Variants in NCOR2 observed in about 807,000 individuals in gnomAD.
The protein encoded by NCOR2 is nuclear receptor corepressor 2.
In NCOR2, 81 loss-of-function variants were observed where a neutral mutation model predicts 262.9. The observed-to-expected ratio is 0.31, with a 90% CI of 0.26 to 0.37. NCOR2 has a LOEUF of 0.37. Ranked by LOEUF, NCOR2 falls within the 10% of genes least tolerant of loss-of-function variation. The pLI is 1.00. For synonymous variants in NCOR2, 1,659 were observed against 1,559.3 expected, an observed-to-expected ratio of 1.06 and a Z score of -1.51; for missense variants, 3,385 against 3,621.4, an observed-to-expected ratio of 0.93 and a Z score of 1.68.
At chr12:124,453,687 CCAG>C (rs2045680095) in intron 6 of NCOR2, among the ~76,000 whole-genome samples, 1 of 152,204 alleles carries the variant, frequency 6.6e-6, no homozygotes, top group Non-Finnish European at 1.5e-5. Flanking sequence ...GCTGGTGACA[CCAG>C]CTTCTTAAAA....
At chr12:124,402,450 C>G in exon 14 of NCOR2, 1 of 1,613,616 alleles carries the variant, frequency 6.2e-7, no homozygotes, top group African/African-American at 1.3e-5. Flanking sequence ...TTCTCCTCCT[C>G]CTTCTCCGCC....
At chr12:124,491,866 G>T (rs1438627042) in intron 1 of NCOR2, among the ~76,000 whole-genome samples, 1 of 152,190 alleles carries the variant, frequency 6.6e-6, no homozygotes, top group African/African-American at 2.4e-5. Flanking sequence ...ACGGAGAGAA[G>T]CTGGGCCCCT....
chr12:124,391,897 C>T lies in NCOR2; in HGVS notation c.1877-6010G>A, dbSNP rs372421164. On this transcript the variant is annotated intron_variant, in intron 16 of 46. Coordinates refer to ENST00000405201, the Ensembl canonical transcript of NCOR2. ...CACCTTTCAATGTCACGTTTTCCTA[C>T]AGAGCAGAGCAAAGTTGGAAGCCAG... 1.2e-3 allele frequency among the ~76,000 whole-genome samples: 181 copies of T among 152,362 alleles called. 2 individuals are homozygous for T. The highest frequency in any genetic ancestry group is 4.2e-3 in the African/African-American group (173 of 41,586).
At chr12:124,405,432 CA>C (rs1390813953) in intron 13 of NCOR2, among the ~76,000 whole-genome samples, 1 of 152,220 alleles carries the variant, frequency 6.6e-6, no homozygotes, top group East Asian at 1.9e-4. Context: ...CCTTCTGGGC[CA>C]CCCTGCAGCC....
intron 17 of NCOR2, among the ~76,000 whole-genome samples, chr12:124,380,964 T>G (rs2040369552): frequency 6.6e-6 from 1 of 152,154 alleles, no homozygotes; most frequent in Non-Finnish European, 1.5e-5. Context: ...CATTAATCAT[T>G]ATGCCTGACG....
exon 31 of NCOR2, chr12:124,346,664 T>C (rs867775706): frequency 6.3e-7 from 1 of 1,582,422 alleles, no homozygotes. Context: ...GCGGCCCGCC[T>C]CCTTCACCGT....
intron 29 of NCOR2, 53 bp from the exon 32 acceptor site, chr12:124,347,964 G>C (rs1447754887): frequency 3.3e-6 from 5 of 1,521,760 alleles, no homozygotes; most frequent in Non-Finnish European, 4.5e-6. Flanking sequence ...GCCGACACTG[G>C]GCAGTGACAG....
chr12:124,411,615 C>T (rs2042591756), intron 13 of NCOR2, among the ~76,000 whole-genome samples: 1 of 152,272 alleles, frequency 6.6e-6, no homozygotes, highest in Non-Finnish European at 1.5e-5. Flanking sequence ...CAACGGTCTG[C>T]AGTCAGGCCC....
At chr12:124,379,494 G>A (rs79872568) in intron 17 of NCOR2, among the ~76,000 whole-genome samples, 3,079 of 152,350 alleles carry the variant, frequency 0.02, 101 homozygotes, top group African/African-American at 0.069. Flanking sequence ...GGGCATCGTG[G>A]AGGCAGCATC....
Position 124,389,522 on chromosome 12 carries a change from G to T in NCOR2, c.1877-3635C>A, listed in dbSNP as rs2041112746. ...AAACAGAGCTTCTCCACCCCCGGCAGACAGGGAGCAAACAGCTTCTTCCGC... is the reference window on the plus strand; with the variant it reads ...AAACAGAGCTTCTCCACCCCCGGCATACAGGGAGCAAACAGCTTCTTCCGC... On this transcript the variant is annotated intron_variant, in intron 16 of 46. Coordinates refer to ENST00000405201, the Ensembl canonical transcript of NCOR2. This position sits in a 1 kb window ranked among gnomAD's most constrained non-coding sequence, Gnocchi z 4.4. 6.6e-6 allele frequency among the ~76,000 whole-genome samples: 1 copy of T among 152,156 alleles called. No individual in the cohort carries two copies. The highest frequency in any genetic ancestry group is 1.5e-5 in the Non-Finnish European group (1 of 68,024).
At chr12:124,429,166 G>A (rs2043770162) in intron 10 of NCOR2, among the ~76,000 whole-genome samples, 1 of 152,250 alleles carries the variant, frequency 6.6e-6, no homozygotes, top group African/African-American at 2.4e-5. Flanking sequence ...GAACTCTTCG[G>A]CCTGCGCCAT....
chr12:124,501,346 C>G (rs1160574156), intron 1 of NCOR2, among the ~76,000 whole-genome samples: 1 of 152,088 alleles, frequency 6.6e-6, no homozygotes, highest in African/African-American at 2.4e-5. Flanking sequence ...AGAGGCACGG[C>G]ACCTGGCACA....
upstream of NCOR2, chr12:124,495,372 C>T (rs1200050745): frequency 9.7e-6 from 14 of 1,437,880 alleles, 1 homozygote; most frequent in South Asian, 1.3e-4. This position sits in a 1 kb window ranked among gnomAD's most constrained non-coding sequence, Gnocchi z 4.4. Context: ...CTGGCACCTG[C>T]GGGAAAACAA....
intron 1 of NCOR2, among the ~76,000 whole-genome samples, chr12:124,493,647 GAAC>G (rs1484425172): frequency 5.9e-5 from 9 of 152,324 alleles, no homozygotes; most frequent in East Asian, 5.8e-4. Flanking sequence ...TCAGGGCTTT[GAAC>G]AACATTTGAC....
intron 33 of NCOR2, among the ~76,000 whole-genome samples, chr12:124,342,418 G>A (rs1228566806): frequency 6.6e-6 from 1 of 152,052 alleles, no homozygotes; most frequent in East Asian, 1.9e-4. Context: ...CGCCCAGGCT[G>A]GAGTGCAGTG....
chr12:124,411,392 C>T (rs1041978970), intron 13 of NCOR2, among the ~76,000 whole-genome samples: 15 of 152,120 alleles, frequency 9.9e-5, no homozygotes, highest in South Asian at 6.2e-4. Context: ...CGGCAGCAGT[C>T]GGGGGCGGAG....
chr12:124,366,153 C>A (rs1263134684), intron 20 of NCOR2, among the ~76,000 whole-genome samples: 2 of 152,176 alleles, frequency 1.3e-5, no homozygotes, highest in Admixed American at 1.3e-4. Flanking sequence ...CACTGCAGCA[C>A]CGCCCAGCGC....
At chr12:124,379,334 C>G (rs1023776315) in intron 17 of NCOR2, among the ~76,000 whole-genome samples, 1 of 152,232 alleles carries the variant, frequency 6.6e-6, no homozygotes, top group Non-Finnish European at 1.5e-5. Flanking sequence ...CATCATCAAA[C>G]CACTCGTCTT....
chr12:124,340,579 C>T (rs777206778), intron 35 of NCOR2, 23 bp downstream of exon 37: 1 of 1,511,206 alleles, frequency 6.6e-7, no homozygotes, highest in Admixed American at 2.1e-5. Flanking sequence ...GGGTCCCCAC[C>T]CCAGACTGGG....
Sources: allele counts gnomAD v4.1 joint callset (sites outside exome capture counted in the v4.1 genomes callset), GRCh38; gene constraint gnomAD v4.1.1; non-coding constraint Gnocchi (gnomAD v3.1); transcripts MANE v1.5; gene names NCBI Gene and HGNC (gene_info 2026-07-23, HGNC 2026-07-21).